POLN: variants seen among roughly 807,000 people sequenced by gnomAD.
POLN encodes the protein DNA polymerase N.
Under a neutral mutation model 113.5 loss-of-function variants are expected in POLN, and 108 were observed. That is an observed-to-expected ratio of 0.95 (90% CI 0.81 to 1.12). The LOEUF (loss-of-function observed/expected upper bound fraction) is 1.12, where lower values mean the gene tolerates loss of function less well. Ranked by LOEUF, POLN falls within the 50% of genes most tolerant of loss-of-function variation. The pLI is 0.00. For missense variants in POLN, 1,097 were observed against 1,077.1 expected (o/e 1.02, Z -0.26); for synonymous variants, 386 against 391.5 (o/e 0.99, Z 0.17).
At chr4:2,099,430 C>T (rs1287445523) in intron 19 of POLN, among the ~76,000 whole-genome samples, 1 of 152,226 alleles carries the variant, frequency 6.6e-6, no homozygotes, top group Non-Finnish European at 1.5e-5. Context: ...CCTCAAACCC[C>T]AAATCCCAGT....
At chr4:2,134,030 A>C (rs911961393) in intron 16 of POLN, among the ~76,000 whole-genome samples, 4 of 152,200 alleles carry the variant, frequency 2.6e-5, no homozygotes, top group African/African-American at 7.2e-5. Flanking sequence ...CCAGCTCTGA[A>C]CTTTTGGAAA....
Position 2,093,538 on chromosome 4 carries a change from G to A in POLN, c.2065+2313C>T, listed in dbSNP as rs1730714117. 6.6e-6 allele frequency among the ~76,000 whole-genome samples: 1 copy of A among 152,208 alleles called. No individual in the cohort carries two copies. The highest frequency in any genetic ancestry group is 2.1e-4 in the South Asian group (1 of 4,830). On this transcript the variant is annotated intron_variant, in intron 20 of 25. Coordinates refer to ENST00000511885, the MANE Select transcript of POLN (RefSeq NM_181808.4). This position sits in a 1 kb window ranked among gnomAD's most constrained non-coding sequence, Gnocchi z 4.1. ...GTTGGGGATCAAGCCCAGGCTGCCG[G>A]GCCCAGGACTGGGGAGGTGATGTCC... is the stretch of plus-strand genomic sequence containing the variant.
chr4:2,080,001 T>C, intron 23 of POLN: 1 of 985,510 alleles, frequency 1.0e-6, no homozygotes, highest in Non-Finnish European at 1.2e-6. Context: ...GGGGCAGTGC[T>C]TAGACCCCCA....
chr4:2,171,075 A>G (rs1399760973), intron 12 of POLN, 23 bp downstream of exon 12: 8 of 1,585,622 alleles, frequency 5.0e-6, no homozygotes, highest in East Asian at 2.2e-5. Flanking sequence ...ACATTTTATG[A>G]AAGAACCAAA....
At chr4:2,091,801 G>GTGCGCA (rs1730672179) in intron 20 of POLN, among the ~76,000 whole-genome samples, 2 of 93,434 alleles carry the variant, frequency 2.1e-5, no homozygotes, top group East Asian at 6.0e-4. Context: ...GTGTGTGTGT[G>GTGCGCA]CGCGCGCTAC....
intron 19 of POLN, among the ~76,000 whole-genome samples, chr4:2,115,537 C>G (rs1461303111): frequency 2.0e-5 from 3 of 152,102 alleles, no homozygotes; most frequent in Non-Finnish European, 2.9e-5. Context: ...GTCCCAATAC[C>G]TGGGCCAGAT....
At position 2,072,081 on chromosome 4, in the gene POLN, A is replaced by T; in HGVS notation, c.*33T>A. 6.2e-7 allele frequency: 1 copy of T among 1,610,276 alleles called. No individual in the cohort carries two copies. The highest frequency in any genetic ancestry group is 8.5e-7 in the Non-Finnish European group (1 of 1,177,442). ...GGAAGGCCACACAATGGACTGCTGGAAACCAGTTCTCTCCTCCCACTGTTG... is the reference window on the plus strand; with the variant it reads ...GGAAGGCCACACAATGGACTGCTGGTAACCAGTTCTCTCCTCCCACTGTTG... On this transcript the variant is annotated 3_prime_UTR_variant, in exon 26 of 26. Coordinates refer to ENST00000511885, the MANE Select transcript of POLN (RefSeq NM_181808.4).
Position 2,138,998 on chromosome 4 carries a change from T to A in POLN, c.1732-7708A>T, listed in dbSNP as rs564986725. On this transcript the variant is annotated intron_variant, in intron 16 of 25. Transcript: ENST00000511885. ...GCTGAATGAAGAGGGTTGAGACTGG[T>A]GAGCATGTGCGCAGGCATGGAAGCT... Among the ~76,000 whole-genome samples the A allele has an allele frequency of 3.3e-5, 5 of 151,454 alleles. No homozygotes were observed. The East Asian group carries it at 9.7e-4, about 29-fold the overall frequency.
At chr4:2,120,497 T>C (rs1013398830) in intron 19 of POLN, among the ~76,000 whole-genome samples, 2 of 151,908 alleles carry the variant, frequency 1.3e-5, no homozygotes, top group Non-Finnish European at 2.9e-5. Flanking sequence ...ATCTATAGAG[T>C]GATTTTTTTT....
intron 7 of POLN, among the ~76,000 whole-genome samples, chr4:2,183,488 G>C (rs988866678): frequency 6.6e-6 from 1 of 152,188 alleles, no homozygotes; most frequent in Non-Finnish European, 1.5e-5. Flanking sequence ...CAACTTGAAT[G>C]AACCTTTAAA....
intron 2 of POLN, chr4:2,231,805 T>A: frequency 1.7e-6 from 1 of 602,474 alleles, no homozygotes; most frequent in Non-Finnish European, 2.9e-6. Flanking sequence ...ATATAATAGT[T>A]CAATTCATCA....
intron 3 of POLN, among the ~76,000 whole-genome samples, chr4:2,217,088 C>A (rs1004302421): frequency 1.3e-5 from 2 of 152,208 alleles, no homozygotes; most frequent in Non-Finnish European, 2.9e-5. Context: ...ACAGATCCCT[C>A]CACATGCCTT....
chr4:2,192,419 A>T lies in POLN; in HGVS notation c.1021+785T>A, dbSNP rs1733474111. On this transcript the variant is annotated intron_variant, in intron 7 of 25. Coordinates refer to ENST00000511885, the MANE Select transcript of POLN (RefSeq NM_181808.4). ...AGGCTGGAGTGCGGTGGCTCACTGC[A>T]ACCTCCACCTCCTGGGCTCAAGCAA... Among the ~76,000 whole-genome samples, 4 of 151,992 alleles carry T rather than the reference A, an allele frequency of 2.6e-5. No individual in the cohort carries two copies. The South Asian group carries it at 8.3e-4, about 32-fold the overall frequency.
At chr4:2,130,542 T>C (rs1463317391) in intron 17 of POLN, among the ~76,000 whole-genome samples, 1 of 152,200 alleles carries the variant, frequency 6.6e-6, no homozygotes, top group African/African-American at 2.4e-5. Context: ...AGAAGAGTGT[T>C]CATGTGCTTT....
At chr4:2,161,969 T>C (rs1732605317) in intron 13 of POLN, among the ~76,000 whole-genome samples, 1 of 152,152 alleles carries the variant, frequency 6.6e-6, no homozygotes, top group Middle Eastern at 3.4e-3. Context: ...TGGAGAACCT[T>C]TGTGTCTAGC....
intron 24 of POLN, among the ~76,000 whole-genome samples, chr4:2,074,343 T>C (rs1408296131): frequency 2.0e-5 from 3 of 152,124 alleles, no homozygotes; most frequent in African/African-American, 4.8e-5. Flanking sequence ...CCCCAGGCCC[T>C]GCAGTCCCTG....
intron 3 of POLN, among the ~76,000 whole-genome samples, chr4:2,215,981 G>A (rs1003678668): frequency 6.6e-6 from 1 of 152,138 alleles, no homozygotes; most frequent in Non-Finnish European, 1.5e-5. Context: ...TAAGCCCCTG[G>A]CCACCATGCC....
At chr4:2,100,729 C>T (rs909398514) in intron 19 of POLN, among the ~76,000 whole-genome samples, 2 of 152,124 alleles carry the variant, frequency 1.3e-5, no homozygotes, top group Admixed American at 6.5e-5. Flanking sequence ...AATACTGATG[C>T]AGGAGTAAAA....
chr4:2,133,914 G>T (rs899062873), intron 16 of POLN, among the ~76,000 whole-genome samples: 3 of 152,138 alleles, frequency 2.0e-5, no homozygotes, highest in Non-Finnish European at 4.4e-5. Context: ...TATTGGTTTT[G>T]ACAAATGCAT....
Sources: allele counts gnomAD v4.1 joint callset (sites outside exome capture counted in the v4.1 genomes callset), GRCh38; gene constraint gnomAD v4.1.1; non-coding constraint Gnocchi (gnomAD v3.1); transcripts MANE v1.5; gene names NCBI Gene and HGNC (gene_info 2026-07-23, HGNC 2026-07-21).